SHISA9: variants seen among roughly 807,000 people sequenced by gnomAD.
SHISA9 encodes the protein protein shisa-9.
A neutral mutation model predicts 38.0 loss-of-function variants in SHISA9; 13 were observed. The ratio of observed to expected loss-of-function variants is 0.34; its 90% CI spans 0.22 to 0.54. The LOEUF (loss-of-function observed/expected upper bound fraction) is 0.54. SHISA9 is among the 20% of genes least tolerant of loss of function. SHISA9 has a pLI of 0.91. For missense variants in SHISA9, 538 were observed against 575.8 expected (o/e 0.93, Z 0.67); for synonymous variants, 275 against 242.0 (o/e 1.14, Z -1.27).
chr16:12,980,081 G>A (rs1032748284), intron 2 of SHISA9, among the ~76,000 whole-genome samples: 1 of 152,132 alleles, frequency 6.6e-6, no homozygotes, highest in Non-Finnish European at 1.5e-5. Flanking sequence ...AGGGTTTTGC[G>A]ACTTTTAATC....
At chr16:13,023,925 A>G (rs1216250591) in intron 2 of SHISA9, among the ~76,000 whole-genome samples, 1 of 152,214 alleles carries the variant, frequency 6.6e-6, no homozygotes, top group Non-Finnish European at 1.5e-5. Flanking sequence ...GTAAAACACA[A>G]AGATGGGAAG....
intron 2 of SHISA9, among the ~76,000 whole-genome samples, chr16:13,076,261 C>T (rs2073580839): frequency 6.6e-6 from 1 of 152,072 alleles, no homozygotes; most frequent in South Asian, 2.1e-4. Context: ...AAACTCCTGA[C>T]CTCAGGCGAT....
the SHISA9 span, among the ~76,000 whole-genome samples, chr16:13,260,264 C>T: frequency 6.6e-6 from 1 of 151,864 alleles, no homozygotes. Flanking sequence ...GATCTGCCTG[C>T]CTTGGCTTCC....
Position 13,239,102 on chromosome 16 carries a change from T to C in SHISA9, c.*3693T>C, listed in dbSNP as rs1409897983. On this transcript the variant is annotated 3_prime_UTR_variant, in exon 5 of 5. Coordinates refer to ENST00000558583, the MANE Select transcript of SHISA9 (RefSeq NM_001145204.3). ...CATGCAGTGTTTGGTTTTTTTGTCCTTGCGATAGTTTACTGAGAATGATGA... is the reference window on the plus strand; with the variant it reads ...CATGCAGTGTTTGGTTTTTTTGTCCCTGCGATAGTTTACTGAGAATGATGA... 6.6e-6 allele frequency: 1 copy of C among 150,556 alleles called. No individual in the cohort carries two copies. The highest frequency in any genetic ancestry group is 1.5e-5 in the Non-Finnish European group (1 of 67,740). 9.3% of individuals were successfully genotyped at this position (150,556 alleles called of 1,614,324 possible).
intron 2 of SHISA9, among the ~76,000 whole-genome samples, chr16:13,105,905 C>A (rs914849042): frequency 5.9e-5 from 9 of 152,182 alleles, no homozygotes; most frequent in African/African-American, 2.2e-4. Context: ...TTGAAGTCTT[C>A]ATCATTTGGC....
intron 2 of SHISA9, among the ~76,000 whole-genome samples, chr16:13,015,853 C>CCTTTCTTTTT (rs1555454797): frequency 2.0e-5 from 2 of 98,558 alleles, no homozygotes; most frequent in Admixed American, 2.2e-4. Flanking sequence ...TCTTTCTTTC[C>CCTTTCTTTTT]CTTTCTTTCT....
At position 13,235,183 on chromosome 16, in the gene SHISA9, C is replaced by A; in HGVS notation, c.1049C>A (p.Ser350Tyr). Residue 350 changes from serine to tyrosine, a missense_variant, in exon 5 of 5, where the codon TCC becomes TAC. By Grantham distance (144) the Ser-to-Tyr change is moderately radical (BLOSUM62 -2). Coordinates refer to ENST00000558583, the MANE Select transcript of SHISA9 (RefSeq NM_001145204.3). The part of the protein sequence containing the change: ...HGPAKQNGQK[S>Y]RTNKMPPHPL... ...CCTGCCAAGCAGAATGGACAGAAGT[C>A]CCGCACCAACAAGATGCCCCCACAT... The A allele has an allele frequency of 1.9e-6, 3 of 1,551,774 alleles. No individual in the cohort carries two copies. The highest frequency in any genetic ancestry group is 2.6e-6 in the Non-Finnish European group (3 of 1,147,018).
the SHISA9 span, among the ~76,000 whole-genome samples, chr16:13,503,233 T>C: frequency 6.6e-6 from 1 of 152,302 alleles, no homozygotes; most frequent in Admixed American, 6.5e-5. Flanking sequence ...GTGAGTAATA[T>C]GGAAAATGGC....
chr16:13,393,206 C>T, the SHISA9 span, among the ~76,000 whole-genome samples: 6,338 of 152,260 alleles, frequency 0.042, 278 homozygotes, highest in African/African-American at 0.11. Flanking sequence ...GATTGAAATA[C>T]CCCAAGCAGG....
At chr16:13,469,367 AAG>A in the SHISA9 span, among the ~76,000 whole-genome samples, 1 of 72,806 alleles carries the variant, frequency 1.4e-5, no homozygotes. Flanking sequence ...AGAAAAGAAA[AAG>A]AAAGAAAGAA....
At chr16:13,177,656 TTTTG>T (rs958558614) in intron 2 of SHISA9, among the ~76,000 whole-genome samples, 22 of 151,612 alleles carry the variant, frequency 1.5e-4, no homozygotes, top group South Asian at 4.2e-4. Flanking sequence ...TTCACGGTGT[TTTTG>T]TTTGTTTGTT....
At chr16:13,466,370 C>T in the SHISA9 span, among the ~76,000 whole-genome samples, 1 of 152,152 alleles carries the variant, frequency 6.6e-6, no homozygotes, top group Admixed American at 6.5e-5. Flanking sequence ...TACAGGAGAT[C>T]CGTTAGGGCA....
At chr16:13,039,290 T>C (rs2073107338) in intron 2 of SHISA9, among the ~76,000 whole-genome samples, 1 of 152,200 alleles carries the variant, frequency 6.6e-6, no homozygotes, top group South Asian at 2.1e-4. Context: ...ATGATTCGAC[T>C]TGAACTCTCA....
At chr16:13,110,690 G>A (rs1363502326) in intron 2 of SHISA9, among the ~76,000 whole-genome samples, 1 of 152,212 alleles carries the variant, frequency 6.6e-6, no homozygotes, top group Admixed American at 6.5e-5. Flanking sequence ...CAGCCAAAGA[G>A]CTGTGATGAA....
intron 2 of SHISA9, among the ~76,000 whole-genome samples, chr16:13,042,350 A>T (rs1390891800): frequency 6.6e-6 from 1 of 152,180 alleles, no homozygotes; most frequent in Admixed American, 6.5e-5. Flanking sequence ...TTCAGGAGCT[A>T]GTGTGTAGGA....
the SHISA9 span, among the ~76,000 whole-genome samples, chr16:13,246,871 A>T: frequency 6.6e-6 from 1 of 152,112 alleles, no homozygotes; most frequent in Non-Finnish European, 1.5e-5. Context: ...AATAAATGTT[A>T]TCCGTTGCCA....
At chr16:13,326,078 A>G in the SHISA9 span, among the ~76,000 whole-genome samples, 12 of 151,846 alleles carry the variant, frequency 7.9e-5, no homozygotes, top group Non-Finnish European at 1.0e-4. Flanking sequence ...TAAAAAAAAA[A>G]AAAGAAAGAA....
At chr16:13,393,243 G>A in the SHISA9 span, among the ~76,000 whole-genome samples, 1 of 152,178 alleles carries the variant, frequency 6.6e-6, no homozygotes, top group Non-Finnish European at 1.5e-5. Context: ...TGTGACCTGT[G>A]CAGTCACACA....
chr16:13,165,898 G>A (rs1279550938), intron 2 of SHISA9, among the ~76,000 whole-genome samples: 1 of 152,146 alleles, frequency 6.6e-6, no homozygotes, highest in Non-Finnish European at 1.5e-5. Flanking sequence ...TTTAAATTGA[G>A]CCTAAGAAGC....
Sources: gnomAD v4.1 joint callset for allele counts (sites outside exome capture counted in the v4.1 genomes callset) on GRCh38, gnomAD v4.1.1 for gene constraint, MANE v1.5 for transcripts, NCBI Gene and HGNC (gene_info 2026-07-23, HGNC 2026-07-21) for gene names.